Variants in KLRG1 observed in about 807,000 individuals in gnomAD.
KLRG1 encodes the protein killer cell lectin like receptor G1.
In KLRG1, 16 loss-of-function variants were observed where a neutral mutation model predicts 21.8. That is an observed-to-expected ratio of 0.73 (90% CI 0.50 to 1.11). The LOEUF is 1.11. KLRG1 is among the 50% of genes most tolerant of loss of function. The pLI is 0.00. For missense variants in KLRG1, 173 were observed against 218.3 expected, an observed-to-expected ratio of 0.79 and a Z score of 1.31; for synonymous variants, 69 against 75.9, an observed-to-expected ratio of 0.91 and a Z score of 0.47.
At chr12:9,157,882 TGTTA>T in the KLRG1 span, 1 of 1,498,700 alleles carries the variant, frequency 6.7e-7, no homozygotes, top group Non-Finnish European at 9.3e-7. Flanking sequence ...CAGTGCCAAG[TGTTA>T]GTATATTCTC....
At chr12:9,182,873 A>G in the KLRG1 span, among the ~76,000 whole-genome samples, 1 of 152,186 alleles carries the variant, frequency 6.6e-6, no homozygotes. Flanking sequence ...CCTGTACATA[A>G]AGGACAGATA....
chr12:9,165,711 C>T, the KLRG1 span, among the ~76,000 whole-genome samples: 1 of 152,216 alleles, frequency 6.6e-6, no homozygotes, highest in Non-Finnish European at 1.5e-5. Flanking sequence ...AATTAGACCA[C>T]TGGATTAATG....
the KLRG1 span, chr12:9,093,502 A>G: frequency 2.5e-6 from 4 of 1,613,964 alleles, no homozygotes; most frequent in Non-Finnish European, 3.4e-6. Flanking sequence ...GTCTCAGGGA[A>G]GTACTTTCGT....
intron 3 of KLRG1, among the ~76,000 whole-genome samples, chr12:8,997,337 T>C (rs1947163975): frequency 6.6e-6 from 1 of 152,200 alleles, no homozygotes; most frequent in African/African-American, 2.4e-5. Flanking sequence ...GCTCCGGCTT[T>C]TGTCAGATTC....
At chr12:8,962,081 G>A (rs912491432) in intron 1 of KLRG1, among the ~76,000 whole-genome samples, 4 of 152,136 alleles carry the variant, frequency 2.6e-5, no homozygotes, top group African/African-American at 7.2e-5. Context: ...GTGAGACCCC[G>A]TCTCTTGCCA....
the KLRG1 span, among the ~76,000 whole-genome samples, chr12:9,160,705 G>T: frequency 2.6e-5 from 4 of 152,114 alleles, no homozygotes; most frequent in Non-Finnish European, 4.4e-5. Flanking sequence ...ATGAGGTCAG[G>T]ATATCGAGAC....
chr12:9,022,858 A>G, the KLRG1 span, among the ~76,000 whole-genome samples: 5 of 152,066 alleles, frequency 3.3e-5, no homozygotes, highest in African/African-American at 4.8e-5. Flanking sequence ...ACCCAAAAGA[A>G]CTTGTTCCAA....
At chr12:9,154,843 A>G in the KLRG1 span, 2 of 1,611,132 alleles carry the variant, frequency 1.2e-6, no homozygotes, top group African/African-American at 2.7e-5. Flanking sequence ...AGGTTGTCTT[A>G]AGGGTGAGAA....
the KLRG1 span, chr12:9,101,192 C>G: frequency 6.4e-7 from 1 of 1,559,998 alleles, no homozygotes; most frequent in African/African-American, 1.4e-5. Flanking sequence ...CGGACAATGC[C>G]TCCCTTTGCC....
chr12:8,986,024 A>G (rs1323844690), upstream of KLRG1, among the ~76,000 whole-genome samples: 6 of 152,238 alleles, frequency 3.9e-5, no homozygotes, highest in African/African-American at 1.4e-4. Context: ...CACACTCAAC[A>G]TTATAAGAAA....
At chr12:9,144,258 C>A in the KLRG1 span, among the ~76,000 whole-genome samples, 1 of 152,132 alleles carries the variant, frequency 6.6e-6, no homozygotes, top group African/African-American at 2.4e-5. Flanking sequence ...GAGCAAAATA[C>A]CCACTGTGGG....
chr12:9,048,985 A>G, the KLRG1 span, among the ~76,000 whole-genome samples: 5 of 152,252 alleles, frequency 3.3e-5, no homozygotes, highest in Non-Finnish European at 7.3e-5. Flanking sequence ...TTTGATTTTA[A>G]AAGAACAAAC....
the KLRG1 span, chr12:9,109,447 C>T: frequency 6.0e-6 from 9 of 1,492,010 alleles, no homozygotes; most frequent in Non-Finnish European, 8.4e-6. Flanking sequence ...TGGTTTTCAA[C>T]TTTGGGGGAA....
the KLRG1 span, among the ~76,000 whole-genome samples, chr12:9,071,173 C>T: frequency 2.6e-4 from 40 of 152,074 alleles, no homozygotes; most frequent in Middle Eastern, 3.2e-3. Flanking sequence ...TGTTTGTGAC[C>T]TCTAATCTAT....
At chr12:9,079,375 A>T in the KLRG1 span, 1 of 1,530,364 alleles carries the variant, frequency 6.5e-7, no homozygotes, top group Non-Finnish European at 9.1e-7. Context: ...ATTAATGTGC[A>T]TGCTGAGGGT....
chr12:9,208,694 CAAAG>C, the KLRG1 span, among the ~76,000 whole-genome samples: 1 of 152,138 alleles, frequency 6.6e-6, no homozygotes, highest in Non-Finnish European at 1.5e-5. Flanking sequence ...AGGATGCTGA[CAAAG>C]AATGTCAGGG....
intron 1 of KLRG1, among the ~76,000 whole-genome samples, chr12:8,964,422 C>T (rs1946430656): frequency 6.6e-6 from 1 of 152,170 alleles, no homozygotes; most frequent in Admixed American, 6.5e-5. Flanking sequence ...AATTTCTGTT[C>T]TTTTACATTT....
the KLRG1 span, chr12:9,152,983 C>A: frequency 6.2e-7 from 1 of 1,613,698 alleles, no homozygotes; most frequent in Non-Finnish European, 8.5e-7. Flanking sequence ...ATCAGTTTCT[C>A]TCTTTTTCTG....
the KLRG1 span, among the ~76,000 whole-genome samples, chr12:9,177,925 T>C: frequency 2.0e-5 from 3 of 152,312 alleles, no homozygotes; most frequent in Admixed American, 6.5e-5. Flanking sequence ...AGTGTAAAAA[T>C]ATCAGGCATA....
Sources: allele counts gnomAD v4.1 joint callset (sites outside exome capture counted in the v4.1 genomes callset), GRCh38; gene constraint gnomAD v4.1.1; transcripts MANE v1.5; gene names NCBI Gene and HGNC (gene_info 2026-07-23, HGNC 2026-07-21).